The following PGS1 variants were observed in gnomAD, a reference collection of about 807,000 sequenced individuals.
PGS1 encodes CDP-diacylglycerol--glycerol-3-phosphate 3-phosphatidyltransferase, mitochondrial.
A neutral mutation model predicts 58.3 loss-of-function variants in PGS1; 44 were observed. That is an observed-to-expected ratio of 0.75 (90% confidence interval 0.59 to 0.97). The LOEUF is 0.97. Ranked by LOEUF, PGS1 falls within the 50% of genes least tolerant of loss-of-function variation. The pLI is 0.00. For missense variants in PGS1, 684 were observed against 731.1 expected (o/e 0.94, Z 0.74); for synonymous variants, 330 against 311.0 (o/e 1.06, Z -0.64).
intron 2 of PGS1, among the ~76,000 whole-genome samples, chr17:78,393,222 A>G (rs909406629): frequency 1.3e-5 from 2 of 151,722 alleles, no homozygotes; most frequent in African/African-American, 4.8e-5. Context: ...CACCACGCCC[A>G]GCTAATTTTT....
At chr17:78,385,200 C>G (rs1458898471) in intron 1 of PGS1, among the ~76,000 whole-genome samples, 3 of 152,164 alleles carry the variant, frequency 2.0e-5, no homozygotes, top group Admixed American at 1.3e-4. Context: ...CTCACTGCAA[C>G]CTCTGCCTCC....
chr17:78,392,534 C>A lies in PGS1; in HGVS notation c.202C>A (p.Pro68Thr). 6.2e-7 allele frequency: 1 copy of A among 1,614,130 alleles called. No homozygotes were observed. The highest frequency in any genetic ancestry group is 1.1e-5 in the South Asian group (1 of 91,072). ...LSPAVPQVTS[P>T]PCCLCPEGVH... The stretch of plus-strand genomic sequence containing the variant: ...CCCAGCTGTTCCCCAGGTCACCTCC[C>A]CACCTTGCTGCCTGTGTCCAGAAGG... The change falls in exon 2 of 10, where the codon CCA becomes ACA. Residue 68 changes from proline to threonine, a missense_variant. By Grantham distance (38) the Pro-to-Thr change is conservative (BLOSUM62 -1). Coordinates refer to ENST00000262764, the MANE Select transcript of PGS1 (RefSeq NM_024419.5).
rs5822252 is a variant in PGS1, at chr17:78,389,053, C to CTTTTTTTT, written c.144-3408_144-3401dup. Among the ~76,000 whole-genome samples the CTTTTTTTT allele has an allele frequency of 1.0e-3, 99 of 95,998 alleles. 3 individuals are homozygous for CTTTTTTTT. The highest frequency in any genetic ancestry group is 2.8e-3 in the African/African-American group (65 of 23,208). The allele number at this position is 95,998 out of a possible 152,430, so 63.0% of individuals were successfully genotyped here. A position where few individuals can be genotyped will look rare whatever the true frequency, so the allele number is the denominator to read the frequency against. On this transcript the variant is annotated intron_variant, in intron 1 of 9. Transcript: ENST00000262764. ...TGCCAAGGAGTGTTTCCTCTTCTTC[C>CTTTTTTTT]TTTTTTTTTTTTTTTTTTTTTTGCG...
At chr17:78,419,374 G>C (rs1260656806) in intron 8 of PGS1, among the ~76,000 whole-genome samples, 172 bp from the exon 9 acceptor site, 1 of 152,206 alleles carries the variant, frequency 6.6e-6, no homozygotes, top group East Asian at 1.9e-4. Flanking sequence ...GTGGCAACTT[G>C]TAGGGCCTGG....
At chr17:78,406,797 G>A (rs1465554451) in intron 7 of PGS1, among the ~76,000 whole-genome samples, 1 of 152,232 alleles carries the variant, frequency 6.6e-6, no homozygotes, top group Non-Finnish European at 1.5e-5. Context: ...CTGGAGAGGT[G>A]CAGAGGAGTG....
At chr17:78,385,633 C>T (rs762692300) in intron 1 of PGS1, among the ~76,000 whole-genome samples, 7 of 152,108 alleles carry the variant, frequency 4.6e-5, no homozygotes, top group Non-Finnish European at 8.8e-5. Context: ...CTGTGTTGGC[C>T]AGGCTGGTCT....
At chr17:78,379,123 A>G (rs1054161362) in intron 1 of PGS1, among the ~76,000 whole-genome samples, 14 of 152,154 alleles carry the variant, frequency 9.2e-5, no homozygotes, top group African/African-American at 1.2e-4. Flanking sequence ...CTTACACGTT[A>G]AAAGAGGGAC....
chr17:78,418,713 G>A (rs1326155547), intron 8 of PGS1, among the ~76,000 whole-genome samples: 1 of 152,114 alleles, frequency 6.6e-6, no homozygotes, highest in African/African-American at 2.4e-5. Context: ...AGCTTTATAA[G>A]GTTCTTGATA....
intron 9 of PGS1, chr17:78,421,148 T>G (rs929636717): frequency 3.9e-5 from 6 of 152,206 alleles, no homozygotes; most frequent in African/African-American, 1.4e-4. Flanking sequence ...AGCAGGGGAT[T>G]TTGAATACAT....
At chr17:78,395,002 A>G (rs965226742) in intron 2 of PGS1, among the ~76,000 whole-genome samples, 1 of 152,124 alleles carries the variant, frequency 6.6e-6, no homozygotes, top group African/African-American at 2.4e-5. Flanking sequence ...AGGGGCAGAG[A>G]GGCTTGCCTC....
rs147472860 is a variant in PGS1 at position 78,401,389 on chromosome 17, C to T, written c.880+534C>T. ...GCCTGTGGCTCCCAGCTCCCTTGAG[C>T]TCTGTGGCCCCCTGCCTGGAAAATG... On this transcript the variant is annotated intron_variant, in intron 6 of 9. Transcript: ENST00000262764. Among the ~76,000 whole-genome samples, 31 of 152,322 alleles carry T rather than the reference C, an allele frequency of 2.0e-4. 1 individual carries two copies. The East Asian group carries it at 5.8e-3, about 28-fold the overall frequency.
At chr17:78,393,083 T>C (rs12453598) in intron 2 of PGS1, among the ~76,000 whole-genome samples, 91,705 of 147,890 alleles carry the variant, frequency 0.62, 28,388 homozygotes, top group Admixed American at 0.66. Flanking sequence ...TTTTTTGAGA[T>C]GGAGTCTCGC....
chr17:78,392,764 G>A (rs1271279295), intron 2 of PGS1, 99 bp downstream of exon 2: 10 of 890,832 alleles, frequency 1.1e-5, no homozygotes, highest in East Asian at 2.5e-5. Flanking sequence ...TTGGATAGCT[G>A]CTCAAGCTTA....
chr17:78,385,569 G>T (rs554416730), intron 1 of PGS1, among the ~76,000 whole-genome samples: 1 of 152,166 alleles, frequency 6.6e-6, no homozygotes, highest in African/African-American at 2.4e-5. Context: ...GATTACAGGC[G>T]TGAGCCGCTG....
chr17:78,381,175 G>T (rs1249014997), intron 1 of PGS1, among the ~76,000 whole-genome samples: 1 of 152,164 alleles, frequency 6.6e-6, no homozygotes, highest in African/African-American at 2.4e-5. Flanking sequence ...GGGAGGGGCA[G>T]TGTGGCAGTG....
At chr17:78,398,045 C>T (rs186283770) in intron 3 of PGS1, 48 of 635,108 alleles carry the variant, frequency 7.6e-5, no homozygotes, top group Non-Finnish European at 1.2e-4. Context: ...AGGCCTGGGC[C>T]GATCAGGCCC....
At chr17:78,396,622 C>T (rs1033353721) in intron 3 of PGS1, among the ~76,000 whole-genome samples, 38 of 152,258 alleles carry the variant, frequency 2.5e-4, no homozygotes, top group African/African-American at 8.7e-4. Context: ...CTAGGCCTCA[C>T]TGGCAGTGTC....
intron 9 of PGS1, chr17:78,420,094 TGA>T (rs1230266825): frequency 1.9e-6 from 2 of 1,053,212 alleles, no homozygotes; most frequent in South Asian, 3.1e-5. Context: ...CGTTTGCTCG[TGA>T]GAGTGGCTCT....
intron 7 of PGS1, among the ~76,000 whole-genome samples, chr17:78,405,192 T>G (rs994967632): frequency 5.9e-5 from 9 of 151,696 alleles, no homozygotes. Flanking sequence ...GAGATGGGGT[T>G]CCACCATGTT....
Sources: gnomAD v4.1 joint callset for allele counts (sites outside exome capture counted in the v4.1 genomes callset) on GRCh38, gnomAD v4.1.1 for gene constraint, MANE v1.5 for transcripts, NCBI Gene and HGNC (gene_info 2026-07-23, HGNC 2026-07-21) for gene names.